The following LIPA variants were observed in gnomAD, a reference collection of about 807,000 sequenced individuals.
LIPA encodes the protein lysosomal acid lipase/cholesteryl ester hydrolase.
In LIPA, 26 loss-of-function variants were observed where a neutral mutation model predicts 40.6. The ratio of observed to expected loss-of-function variants is 0.64; its 90% CI spans 0.47 to 0.89. LIPA has a LOEUF of 0.89. Ranked by LOEUF, LIPA falls within the 40% of genes least tolerant of loss-of-function variation. LIPA has a pLI of 0.00. For missense variants in LIPA, 455 were observed against 479.6 expected (o/e 0.95, Z 0.48); for synonymous variants, 188 against 168.4 (o/e 1.12, Z -0.90).
chr10:89,286,560 A>T (rs1472086700), intron 1 of LIPA, among the ~76,000 whole-genome samples: 1 of 152,046 alleles, frequency 6.6e-6, no homozygotes, highest in African/African-American at 2.4e-5. Flanking sequence ...ACCTCTCCCA[A>T]ATCAGTTAGC....
At chr10:89,384,765 TG>T (rs747250476) in intron 2 of LIPA, 74 of 1,508,800 alleles carry the variant, frequency 4.9e-5, no homozygotes, top group Non-Finnish European at 5.4e-6. Context: ...ATCCATTTAA[TG>T]GTCTTATAAC....
intron 7 of LIPA, 31 bp from the exon 8 acceptor site, chr10:89,222,613 G>GA: frequency 7.6e-7 from 1 of 1,320,606 alleles, no homozygotes; most frequent in Non-Finnish European, 1.1e-6. Flanking sequence ...AATGAAGAAT[G>GA]AAAACAGCAT....
At chr10:89,399,864 ACT>A (rs200034872) in intron 2 of LIPA, among the ~76,000 whole-genome samples, 5 of 151,056 alleles carry the variant, frequency 3.3e-5, no homozygotes, top group East Asian at 1.9e-4. Context: ...ACCAAAGCTC[ACT>A]CTCTCTCTCT....
Position 89,302,168 on chromosome 10 carries a change from C to T in LIPA, c.-2+40443G>A, listed in dbSNP as rs368986920. 22 of 1,609,448 alleles carry T rather than the reference C, an allele frequency of 1.4e-5. No homozygotes were observed. In the African/African-American group the frequency reaches 2.1e-4, roughly 16 times the overall value. ...TTCGTATTCGGTAGTGCTGTTGAGTCATCTTGTCCAATGCAAATCCTGAGA... is the reference window on the plus strand; with the variant it reads ...TTCGTATTCGGTAGTGCTGTTGAGTTATCTTGTCCAATGCAAATCCTGAGA... On this transcript the variant is annotated intron_variant, in intron 1 of 5. Transcript: ENST00000282673.
intron 1 of LIPA, among the ~76,000 whole-genome samples, chr10:89,264,102 C>A (rs1483763470): frequency 6.6e-6 from 1 of 152,194 alleles, no homozygotes; most frequent in African/African-American, 2.4e-5. Context: ...CCTGGAAGGG[C>A]CTCTGCTCTT....
At chr10:89,226,869 A>G in intron 5 of LIPA, 26 bp downstream of exon 5, 3 of 1,285,930 alleles carry the variant, frequency 2.3e-6, no homozygotes, top group Non-Finnish European at 3.4e-6. Context: ...ATTTATATCA[A>G]CTTCTGATCT....
intron 1 of LIPA, among the ~76,000 whole-genome samples, chr10:89,297,169 C>T (rs571497527): frequency 6.6e-6 from 1 of 152,284 alleles, no homozygotes; most frequent in East Asian, 1.9e-4. Flanking sequence ...AACAGAGGGC[C>T]TTGGCATTTC....
chr10:89,318,279 C>A (rs183036740), intron 1 of LIPA, among the ~76,000 whole-genome samples: 4 of 152,080 alleles, frequency 2.6e-5, no homozygotes, highest in Admixed American at 6.6e-5. Flanking sequence ...GGCAAATTGG[C>A]TAAAGAGTCA....
At chr10:89,282,466 C>T (rs757386975) in intron 1 of LIPA, among the ~76,000 whole-genome samples, 2 of 151,694 alleles carry the variant, frequency 1.3e-5, no homozygotes, top group African/African-American at 2.4e-5. Context: ...GGAGAAACCC[C>T]GTCTCTGCTA....
At chr10:89,332,315 G>A (rs970646398) in intron 1 of LIPA, among the ~76,000 whole-genome samples, 5 of 152,230 alleles carry the variant, frequency 3.3e-5, no homozygotes, top group African/African-American at 1.2e-4. Flanking sequence ...AACACATTTG[G>A]AAGCTTCTAA....
intron 1 of LIPA, among the ~76,000 whole-genome samples, chr10:89,321,464 A>T (rs1843571718): frequency 1.3e-5 from 2 of 152,246 alleles, no homozygotes; most frequent in Admixed American, 1.3e-4. Context: ...CAGACACATG[A>T]AAAAGAGCTC....
chr10:89,298,567 A>G (rs1161937525), intron 1 of LIPA, among the ~76,000 whole-genome samples: 3 of 152,244 alleles, frequency 2.0e-5, no homozygotes, highest in African/African-American at 4.8e-5. Context: ...AGTGACTATT[A>G]TATTAGATGC....
intron 1 of LIPA, among the ~76,000 whole-genome samples, chr10:89,312,410 C>T (rs1290175507): frequency 6.6e-6 from 1 of 152,108 alleles, no homozygotes; most frequent in Non-Finnish European, 1.5e-5. Context: ...CACTGCACTA[C>T]AGCCTGGGCA....
At chr10:89,318,627 C>A (rs890239905) in intron 1 of LIPA, among the ~76,000 whole-genome samples, 12 of 152,110 alleles carry the variant, frequency 7.9e-5, no homozygotes, top group Non-Finnish European at 1.6e-4. Flanking sequence ...GACTTTAACA[C>A]CCCACTGTCA....
At chr10:89,294,460 A>G (rs1219690910) in intron 1 of LIPA, among the ~76,000 whole-genome samples, 1 of 152,202 alleles carries the variant, frequency 6.6e-6, no homozygotes, top group East Asian at 1.9e-4. Context: ...GGTGAGCAAG[A>G]GAAGGTTGAA....
intron 1 of LIPA, among the ~76,000 whole-genome samples, chr10:89,310,156 T>C (rs566684708): frequency 2.0e-5 from 3 of 152,296 alleles, no homozygotes; most frequent in African/African-American, 7.2e-5. Context: ...TGAGAAGAAT[T>C]CCTCTTATCT....
intron 1 of LIPA, among the ~76,000 whole-genome samples, chr10:89,324,435 A>G (rs1843588410): frequency 6.6e-6 from 1 of 152,194 alleles, no homozygotes; most frequent in African/African-American, 2.4e-5. Context: ...TAACCTAGGA[A>G]ATACGATTCT....
chr10:89,306,820 G>T lies in LIPA; in HGVS notation c.-2+35791C>A, dbSNP rs750791162. On this transcript the variant is annotated intron_variant, in intron 1 of 5. Coordinates refer to the LIPA transcript ENST00000282673. The stretch of plus-strand genomic sequence containing the variant: ...ATGCCTACCTGCATTGCCAAATTGG[G>T]TGCTGCTATAGGGCAAAAGTCTTCC... 8.7e-6 allele frequency: 14 copies of T among 1,614,108 alleles called. No homozygotes were observed. In the South Asian group the frequency reaches 1.1e-4, roughly 13 times the overall value.
chr10:89,331,034 C>T (rs1843644126), intron 1 of LIPA, among the ~76,000 whole-genome samples: 1 of 152,158 alleles, frequency 6.6e-6, no homozygotes, highest in Non-Finnish European at 1.5e-5. Context: ...AAGTTGAGGG[C>T]AGCAGTCCCA....
Sources: gnomAD v4.1 joint callset for allele counts (sites outside exome capture counted in the v4.1 genomes callset) on GRCh38, gnomAD v4.1.1 for gene constraint, MANE v1.5 for transcripts, NCBI Gene and HGNC (gene_info 2026-07-23, HGNC 2026-07-21) for gene names.